The following USP54 variants were observed in gnomAD, a reference collection of about 807,000 sequenced individuals.
The protein encoded by USP54 is ubiquitin specific peptidase 54.
USP54 carries 87 observed loss-of-function variants against 170.5 expected under a neutral mutation model. The ratio of observed to expected loss-of-function variants is 0.51; its 90% CI spans 0.43 to 0.61. The LOEUF is 0.61. Ranked by LOEUF, USP54 falls within the 20% of genes least tolerant of loss-of-function variation. The probability of loss-of-function intolerance (pLI) is 0.00; values close to 1 mark genes in which losing one functional copy is unlikely to be tolerated. For missense variants in USP54, 1,786 were observed against 2,047.8 expected, an observed-to-expected ratio of 0.87 and a Z score of 2.47; for synonymous variants, 655 against 742.8, an observed-to-expected ratio of 0.88 and a Z score of 1.92.
At chr10:73,524,001 G>C (rs1184418507) in intron 16 of USP54, among the ~76,000 whole-genome samples, 1 of 150,406 alleles carries the variant, frequency 6.6e-6, no homozygotes, top group Non-Finnish European at 1.5e-5. Context: ...TCCGCCTCCC[G>C]GGTTCAAGCG....
At chr10:73,586,329 G>T (rs1239752117) in intron 1 of USP54, among the ~76,000 whole-genome samples, 1 of 152,092 alleles carries the variant, frequency 6.6e-6, no homozygotes, top group African/African-American at 2.4e-5. Context: ...ACAAGGAAAA[G>T]CCTTCCCAGA....
At chr10:73,531,358 G>A (rs534976668) in intron 12 of USP54, among the ~76,000 whole-genome samples, 1 of 151,758 alleles carries the variant, frequency 6.6e-6, no homozygotes, top group South Asian at 2.1e-4. Flanking sequence ...CCTGAGCAAT[G>A]ACCAATCTCA....
chr10:73,545,267 G>T (rs1047806655), intron 5 of USP54, among the ~76,000 whole-genome samples: 2 of 152,136 alleles, frequency 1.3e-5, no homozygotes, highest in African/African-American at 4.8e-5. Flanking sequence ...AGCTCTGGGG[G>T]TACAATCTGT....
intron 3 of USP54, among the ~76,000 whole-genome samples, chr10:73,575,182 G>A (rs1326952402): frequency 2.6e-5 from 4 of 152,128 alleles, no homozygotes; most frequent in African/African-American, 7.2e-5. Context: ...CCGAGATTGC[G>A]CCACTGCACT....
At chr10:73,574,058 A>C (rs1414684782) in intron 3 of USP54, among the ~76,000 whole-genome samples, 4 of 152,174 alleles carry the variant, frequency 2.6e-5, no homozygotes, top group Non-Finnish European at 5.9e-5. Flanking sequence ...GGCAAATTTC[A>C]TTTACTTTTA....
chr10:73,565,735 T>C (rs2073619461), intron 4 of USP54, among the ~76,000 whole-genome samples: 1 of 152,214 alleles, frequency 6.6e-6, no homozygotes, highest in African/African-American at 2.4e-5. Context: ...ACATATTCTA[T>C]GATCTAGCAA....
intron 20 of USP54, among the ~76,000 whole-genome samples, chr10:73,511,730 C>T (rs988212460): frequency 6.6e-6 from 1 of 150,810 alleles, no homozygotes; most frequent in Non-Finnish European, 1.5e-5. Context: ...AGATAAAGAA[C>T]TCTCAAATTA....
In USP54 at chr10:73,616,335, C is replaced by CAA. The variant is rs60197778; in HGVS notation, c.-18+9230_-18+9231dup. ...CCTAGGCGACAGCAAGACTCCATCT[C>CAA]AAAAAAAAAAAAAAAAAAAAAAAAA... On this transcript the variant is annotated intron_variant, in intron 1 of 22. Transcript: ENST00000339859. Among the ~76,000 whole-genome samples the CAA allele has an allele frequency of 3.6e-3, 93 of 25,738 alleles. 5 individuals carry two copies. Among genetic ancestry groups the CAA allele is most frequent in the African/African-American group, 7.6e-3 (43 of 5,622 alleles). The allele number at this position is 25,738 out of a possible 152,430, so 16.9% of individuals were successfully genotyped here.
At chr10:73,503,063 A>C (rs1589787495) in intron 22 of USP54, among the ~76,000 whole-genome samples, 1 of 152,080 alleles carries the variant, frequency 6.6e-6, no homozygotes, top group African/African-American at 2.4e-5. Context: ...CAAACTACTT[A>C]CTGTGACATA....
At chr10:73,563,458 A>G (rs1178900531) in intron 4 of USP54, among the ~76,000 whole-genome samples, 2 of 152,010 alleles carry the variant, frequency 1.3e-5, no homozygotes, top group South Asian at 2.1e-4. Flanking sequence ...ACTTATTGAT[A>G]TGGAGTTTCG....
intron 4 of USP54, among the ~76,000 whole-genome samples, chr10:73,552,020 A>C (rs1012182766): frequency 9.2e-5 from 14 of 152,172 alleles, no homozygotes; most frequent in African/African-American, 3.4e-4. Flanking sequence ...TGTGTGGTTC[A>C]GATGACCCTG....
At chr10:73,585,805 G>A (rs1017814207) in intron 1 of USP54, among the ~76,000 whole-genome samples, 2 of 152,104 alleles carry the variant, frequency 1.3e-5, no homozygotes, top group Non-Finnish European at 2.9e-5. Flanking sequence ...GGCAGATCAC[G>A]AGGTCAAGAG....
intron 4 of USP54, among the ~76,000 whole-genome samples, chr10:73,547,490 A>G (rs1260784093): frequency 1.3e-5 from 2 of 152,220 alleles, no homozygotes; most frequent in Non-Finnish European, 2.9e-5. Flanking sequence ...CTATACTACA[A>G]GACTACAGTA....
Position 73,536,455 on chromosome 10 carries a change from A to G in USP54, c.976-18T>C. 6.6e-7 allele frequency: 1 copy of G among 1,519,424 alleles called. No homozygotes were observed. The highest frequency in any genetic ancestry group is 8.8e-7 in the Non-Finnish European group (1 of 1,136,088). The allele number at this position is 1,519,424 out of a possible 1,614,324, so 94.1% of individuals were successfully genotyped here. On this transcript the variant is annotated intron_variant, in intron 10 of 23. Transcript: ENST00000687698. The stretch of plus-strand genomic sequence containing the variant: ...GGCCCAATCTGAACCAGAAACAACC[A>G]GAAGAACATGACAATTATACTTTAT...
At chr10:73,593,195 C>CAA (rs993654976), upstream of USP54, among the ~76,000 whole-genome samples, 6 of 129,480 alleles carry the variant, frequency 4.6e-5, no homozygotes, top group Non-Finnish European at 8.4e-5. Flanking sequence ...CCCTTCTCTA[C>CAA]AAAAAAAAAA....
intron 1 of USP54, among the ~76,000 whole-genome samples, chr10:73,599,861 A>G (rs1362118170): frequency 2.0e-5 from 3 of 152,124 alleles, no homozygotes; most frequent in Non-Finnish European, 4.4e-5. Context: ...TGCCCAAGGT[A>G]AAGAGCTACA....
At position 73,520,106 on chromosome 10, in the gene USP54, G is replaced by T; in HGVS notation, c.2483-114C>A. 3 of 1,428,958 alleles carry T rather than the reference G, an allele frequency of 2.1e-6. No individual in the cohort carries two copies. In the East Asian group the frequency reaches 7.5e-5, roughly 36 times the overall value. The allele number at this position is 1,428,958 out of a possible 1,614,324, so 88.5% of individuals were successfully genotyped here. ...TATGCAGTAAAACTCAAAATATGTA[G>T]CAGGAACGCAAGGCATGGACCATGC... is the stretch of plus-strand genomic sequence containing the variant. On this transcript the variant is annotated intron_variant, in intron 18 of 23. Coordinates refer to ENST00000687698, the MANE Select transcript of USP54 (RefSeq NM_001391956.1).
At chr10:73,542,100 G>T (rs1203089076) in intron 7 of USP54, among the ~76,000 whole-genome samples, 1 of 152,164 alleles carries the variant, frequency 6.6e-6, no homozygotes, top group African/African-American at 2.4e-5. Flanking sequence ...TTTTATTGTT[G>T]TTGGTGGTGG....
At chr10:73,584,636 T>C (rs1266539429) in intron 1 of USP54, among the ~76,000 whole-genome samples, 2 of 152,138 alleles carry the variant, frequency 1.3e-5, no homozygotes, top group Non-Finnish European at 2.9e-5. Context: ...AATTATGGAT[T>C]TTTTTCCTTT....
Sources: allele counts gnomAD v4.1 joint callset (sites outside exome capture counted in the v4.1 genomes callset), GRCh38; gene constraint gnomAD v4.1.1; transcripts MANE v1.5; gene names NCBI Gene and HGNC (gene_info 2026-07-23, HGNC 2026-07-21).